FHL2: variants seen among roughly 807,000 people sequenced by gnomAD.
FHL2 encodes four and a half LIM domains 2, also known as four and a half LIM domains protein 2.
A neutral mutation model predicts 32.7 loss-of-function variants in FHL2; 20 were observed. The ratio of observed to expected loss-of-function variants is 0.61; its 90% CI spans 0.43 to 0.89. The LOEUF (loss-of-function observed/expected upper bound fraction) is 0.89. FHL2 is among the 40% of genes least tolerant of loss of function. FHL2 has a pLI of 0.00. For missense variants in FHL2, 311 were observed against 358.6 expected (o/e 0.87, Z 1.07); for synonymous variants, 123 against 128.1 (o/e 0.96, Z 0.27).
In FHL2 at chr2:105,388,668, C is replaced by CA. The variant is rs34817426; in HGVS notation, c.-24-2129dup. 9.8e-3 allele frequency among the ~76,000 whole-genome samples: 1,270 copies of CA among 129,752 alleles called. 18 individuals carry two copies. Among genetic ancestry groups the CA allele is most frequent in the Non-Finnish European group, 9.4e-3 (557 of 59,532 alleles). The allele number at this position is 129,752 out of a possible 152,430, so 85.1% of individuals were successfully genotyped here. On this transcript the variant is annotated intron_variant, in intron 2 of 6. Coordinates refer to ENST00000530340, the MANE Select transcript of FHL2 (RefSeq NM_001318895.3). Reference sequence around the variant, plus strand: ...TGAAACCCTGTCTCTACTAAAAATACAAAAAAAAAAAAAAAATTAGCCGGG... The same window carrying CA: ...TGAAACCCTGTCTCTACTAAAAATACAAAAAAAAAAAAAAAAATTAGCCGGG...
upstream of FHL2, chr2:105,399,654 G>A: frequency 2.0e-6 from 3 of 1,485,362 alleles, no homozygotes; most frequent in Non-Finnish European, 2.7e-6. Context: ...CCTCCAGGGC[G>A]GGAAAACCAA....
intron 5 of FHL2, among the ~76,000 whole-genome samples, chr2:105,365,132 T>A (rs905712455): frequency 5.3e-5 from 8 of 152,158 alleles, no homozygotes; most frequent in Non-Finnish European, 1.2e-4. Context: ...AGCATGACTT[T>A]CTCAGAGACT....
At chr2:105,434,030 C>A (rs1312949397) in intron 1 of FHL2, among the ~76,000 whole-genome samples, 1 of 152,194 alleles carries the variant, frequency 6.6e-6, no homozygotes, top group Non-Finnish European at 1.5e-5. Context: ...CACTTTCCAT[C>A]TCCATATTGT....
At chr2:105,421,383 T>A (rs1265077506) in intron 1 of FHL2, among the ~76,000 whole-genome samples, 1 of 144,902 alleles carries the variant, frequency 6.9e-6, no homozygotes, top group African/African-American at 2.6e-5. Flanking sequence ...CTGGGTGGAG[T>A]ATTCACAAGC....
At chr2:105,393,219 C>T (rs1007355108) in intron 2 of FHL2, among the ~76,000 whole-genome samples, 2 of 152,122 alleles carry the variant, frequency 1.3e-5, no homozygotes, top group African/African-American at 4.8e-5. Context: ...ATTTTCTCCT[C>T]CCCCTTTGAA....
chr2:105,394,786 A>G (rs1434456668), intron 2 of FHL2, among the ~76,000 whole-genome samples: 4 of 152,196 alleles, frequency 2.6e-5, no homozygotes, highest in Admixed American at 6.5e-5. Flanking sequence ...GCATGTACAG[A>G]CAGGTGTCAG....
chr2:105,410,430 T>A (rs1213355681), intron 1 of FHL2, among the ~76,000 whole-genome samples: 1 of 152,136 alleles, frequency 6.6e-6, no homozygotes, highest in African/African-American at 2.4e-5. Flanking sequence ...AGAGTTAAAC[T>A]GAATGTGAGC....
In FHL2 at chr2:105,380,419, G is replaced by A. The variant is rs991065449; in HGVS notation, c.156+5942C>T. Reference sequence around the variant, plus strand: ...CTATCATCTATCTGTTTAGAGACAGGGGTCTTGCTATATTGCCCAGGCTGG... The same window carrying A: ...CTATCATCTATCTGTTTAGAGACAGAGGTCTTGCTATATTGCCCAGGCTGG... On this transcript the variant is annotated intron_variant, in intron 3 of 6. Coordinates refer to ENST00000530340, the MANE Select transcript of FHL2 (RefSeq NM_001318895.3). 6.6e-5 allele frequency among the ~76,000 whole-genome samples: 10 copies of A among 152,084 alleles called. No individual in the cohort carries two copies. In the East Asian group the frequency reaches 1.2e-3, roughly 18 times the overall value.
chr2:105,403,102 T>C (rs12616624), upstream of FHL2, among the ~76,000 whole-genome samples: 1 of 152,206 alleles, frequency 6.6e-6, no homozygotes, highest in Non-Finnish European at 1.5e-5. Flanking sequence ...TCTTTTGAGA[T>C]GCACATAAAC....
upstream of FHL2, chr2:105,399,642 C>T (rs1184000863): frequency 6.7e-7 from 1 of 1,500,160 alleles, no homozygotes; most frequent in Non-Finnish European, 8.8e-7. Context: ...ATCTTGGATT[C>T]CCCTCCAGGG....
At chr2:105,378,069 T>G (rs552707911) in intron 3 of FHL2, 224 of 471,212 alleles carry the variant, frequency 4.8e-4, no homozygotes, top group Admixed American at 2.3e-3. Flanking sequence ...CCACAGCCAG[T>G]GCTCCGGTCA....
chr2:105,427,463 G>C (rs927099109), intron 1 of FHL2, among the ~76,000 whole-genome samples: 1 of 152,180 alleles, frequency 6.6e-6, no homozygotes, highest in Non-Finnish European at 1.5e-5. Context: ...AACATGTGGA[G>C]AGGGCAGCAG....
chr2:105,373,523 GACTGGCTC>G, intron 4 of FHL2, 28 bp downstream of exon 4: 1 of 1,612,406 alleles, frequency 6.2e-7, no homozygotes, highest in Non-Finnish European at 8.5e-7. Flanking sequence ...CTTGAAGCTA[GACTGGCTC>G]ACGCATGAGA....
At chr2:105,399,618 A>G (rs1463169784), upstream of FHL2, 2 of 1,523,390 alleles carry the variant, frequency 1.3e-6, no homozygotes, top group East Asian at 4.9e-5. Flanking sequence ...TCGGGGCCAG[A>G]AGACTAGTTA....
intron 1 of FHL2, among the ~76,000 whole-genome samples, chr2:105,438,206 C>T (rs758729409): frequency 2.6e-5 from 4 of 152,252 alleles, no homozygotes; most frequent in Admixed American, 6.5e-5. Flanking sequence ...TGGGCTCTGC[C>T]GTTGGTGGGA....
In FHL2 at chr2:105,367,665, T is replaced by C. The variant is rs780774664; in HGVS notation, c.406A>G (p.Ile136Val). Reference sequence around the variant, plus strand: ...TTGGGGATGAAACTCTTGGTTCCAATTGGCTGCTGGCAGCGGTGGCAGATG... The same window carrying C: ...TTGGGGATGAAACTCTTGGTTCCAACTGGCTGCTGGCAGCGGTGGCAGATG... ...CFICHRCQQP[I>V]GTKSFIPKDN... Residue 136 changes from isoleucine (I) to valine (V), a missense_variant, in exon 5 of 7, where the codon ATT becomes GTT. Coordinates refer to ENST00000530340, the MANE Select transcript of FHL2 (RefSeq NM_001318895.3). The C allele has an allele frequency of 3.1e-6, 5 of 1,614,110 alleles. No individual in the cohort carries two copies. The highest frequency in any genetic ancestry group is 2.7e-5 in the African/African-American group (2 of 74,940).
chr2:105,424,834 A>G (rs891109588), intron 1 of FHL2, among the ~76,000 whole-genome samples: 2 of 152,194 alleles, frequency 1.3e-5, no homozygotes, highest in African/African-American at 4.8e-5. Flanking sequence ...GAACACATGG[A>G]CACACGGAGG....
chr2:105,375,311 A>T (rs1422473520), intron 3 of FHL2: 2 of 152,220 alleles, frequency 1.3e-5, no homozygotes, highest in Non-Finnish European at 2.9e-5. Flanking sequence ...GACAGTCATG[A>T]CTATGGCCTT....
intron 4 of FHL2, among the ~76,000 whole-genome samples, chr2:105,370,126 C>G (rs1229312416): frequency 6.6e-6 from 1 of 152,182 alleles, no homozygotes; most frequent in African/African-American, 2.4e-5. Flanking sequence ...GTAATCCCAG[C>G]ACTTTGGGAG....
Sources: gnomAD v4.1 joint callset for allele counts (sites outside exome capture counted in the v4.1 genomes callset) on GRCh38, gnomAD v4.1.1 for gene constraint, MANE v1.5 for transcripts, NCBI Gene and HGNC (gene_info 2026-07-23, HGNC 2026-07-21) for gene names.